The following SLC2A13 variants were observed in gnomAD, a reference collection of about 807,000 sequenced individuals.
The protein encoded by SLC2A13 is solute carrier family 2 member 13, also known as proton myo-inositol cotransporter.
In SLC2A13, 32 loss-of-function variants were observed where a neutral mutation model predicts 64.4. That is an observed-to-expected ratio of 0.50 (90% CI 0.37 to 0.67). The LOEUF is 0.67. Ranked by LOEUF, SLC2A13 falls within the 30% of genes least tolerant of loss-of-function variation. The pLI, the probability that SLC2A13 is intolerant of heterozygous loss-of-function variation, is 0.00. For missense variants in SLC2A13, 743 were observed against 829.2 expected, an observed-to-expected ratio of 0.90 and a Z score of 1.28; for synonymous variants, 338 against 327.1, an observed-to-expected ratio of 1.03 and a Z score of -0.36.
intron 4 of SLC2A13, among the ~76,000 whole-genome samples, chr12:39,890,831 CTA>C (rs1944587299): frequency 6.6e-6 from 1 of 151,928 alleles, no homozygotes; most frequent in Non-Finnish European, 1.5e-5. Flanking sequence ...TTCTATACAG[CTA>C]TGAAAAATGT....
intron 3 of SLC2A13, among the ~76,000 whole-genome samples, chr12:39,991,807 A>T (rs28370747): frequency 3.7e-3 from 57 of 15,430 alleles, no homozygotes; most frequent in Admixed American, 6.7e-3. Flanking sequence ...CTATCTTTTT[A>T]AAAAAAAATG....
chr12:39,817,747 T>A (rs1256270799), intron 7 of SLC2A13, among the ~76,000 whole-genome samples: 4 of 152,202 alleles, frequency 2.6e-5, no homozygotes, highest in Non-Finnish European at 1.5e-5. Flanking sequence ...TGCCAAACAC[T>A]AAATCTATGA....
chr12:39,971,277 C>T (rs2136129969), intron 3 of SLC2A13, among the ~76,000 whole-genome samples: 1 of 152,278 alleles, frequency 6.6e-6, no homozygotes, highest in South Asian at 2.1e-4. Context: ...CGTAATTATG[C>T]AACTGTTTAT....
chr12:39,903,266 C>A (rs1283673588), intron 4 of SLC2A13, among the ~76,000 whole-genome samples: 1 of 152,132 alleles, frequency 6.6e-6, no homozygotes, highest in Non-Finnish European at 1.5e-5. Context: ...GAAATGGGCA[C>A]TAATCTATGT....
At chr12:40,083,815 G>A (rs963878201) in intron 1 of SLC2A13, among the ~76,000 whole-genome samples, 1 of 152,168 alleles carries the variant, frequency 6.6e-6, no homozygotes, top group Admixed American at 6.6e-5. Context: ...CAGTCCAGTA[G>A]GTCTTCAAAT....
chr12:39,834,258 C>T (rs1300507939), intron 6 of SLC2A13, among the ~76,000 whole-genome samples: 1 of 151,936 alleles, frequency 6.6e-6, no homozygotes, highest in African/African-American at 2.4e-5. Flanking sequence ...TATTTTTTCT[C>T]CCTTACATCT....
chr12:40,067,202 C>CT (rs1555159935), intron 1 of SLC2A13, among the ~76,000 whole-genome samples: 2 of 151,896 alleles, frequency 1.3e-5, no homozygotes, highest in Non-Finnish European at 2.9e-5. Flanking sequence ...TATATAAATT[C>CT]TTATTTATTT....
At chr12:39,845,169 C>G (rs1943273020) in intron 6 of SLC2A13, among the ~76,000 whole-genome samples, 1 of 151,684 alleles carries the variant, frequency 6.6e-6, no homozygotes, top group African/African-American at 2.4e-5. Context: ...AATATATTTT[C>G]TTTATGTTGA....
intron 7 of SLC2A13, among the ~76,000 whole-genome samples, chr12:39,798,166 G>A (rs540419288): frequency 1.2e-4 from 19 of 152,220 alleles, no homozygotes; most frequent in African/African-American, 3.6e-4. Flanking sequence ...AAGGCCTGTC[G>A]GACAACAACC....
intron 4 of SLC2A13, 65 bp downstream of exon 4, chr12:39,951,192 C>A: frequency 7.4e-7 from 1 of 1,359,076 alleles, no homozygotes; most frequent in South Asian, 1.2e-5. Flanking sequence ...AAATACTTTT[C>A]ACTATTTCAC....
intron 3 of SLC2A13, among the ~76,000 whole-genome samples, chr12:40,006,485 CAT>C (rs1208210404): frequency 1.3e-5 from 2 of 152,120 alleles, no homozygotes; most frequent in Non-Finnish European, 2.9e-5. Context: ...ATAACTGGCA[CAT>C]AGTTTATGTT....
intron 4 of SLC2A13, among the ~76,000 whole-genome samples, chr12:39,918,496 T>A (rs967057834): frequency 2.0e-5 from 3 of 151,920 alleles, no homozygotes; most frequent in African/African-American, 7.3e-5. Context: ...ATCTGCTTGA[T>A]AGGTTGAGAA....
intron 3 of SLC2A13, among the ~76,000 whole-genome samples, chr12:39,977,731 T>G (rs1022299203): frequency 6.6e-6 from 1 of 152,244 alleles, no homozygotes; most frequent in African/African-American, 2.4e-5. Context: ...AGGTAGCTTT[T>G]GGCAGTAATC....
intron 7 of SLC2A13, among the ~76,000 whole-genome samples, chr12:39,804,984 G>A (rs567411839): frequency 6.6e-6 from 1 of 152,350 alleles, no homozygotes; most frequent in East Asian, 1.9e-4. Context: ...AAGTGCCACA[G>A]TCTGAGGGAG....
intron 4 of SLC2A13, among the ~76,000 whole-genome samples, chr12:39,912,304 AAAT>A (rs1251535653): frequency 2.0e-5 from 3 of 151,920 alleles, no homozygotes; most frequent in Admixed American, 6.6e-5. Context: ...TAATAATAGT[AAAT>A]AATAATAATA....
intron 7 of SLC2A13, among the ~76,000 whole-genome samples, chr12:39,786,448 A>G (rs1411929522): frequency 7.7e-6 from 1 of 129,278 alleles, no homozygotes; most frequent in Non-Finnish European, 1.7e-5. Flanking sequence ...AGTTTTCAGT[A>G]TGTCTTTATC....
intron 2 of SLC2A13, among the ~76,000 whole-genome samples, chr12:40,036,340 C>T (rs1343406986): frequency 6.6e-6 from 1 of 152,108 alleles, no homozygotes; most frequent in Non-Finnish European, 1.5e-5. Context: ...AATTTATATA[C>T]AAGAAAATGC....
intron 7 of SLC2A13, among the ~76,000 whole-genome samples, chr12:39,781,549 T>G (rs1940984003): frequency 6.6e-6 from 1 of 152,252 alleles, no homozygotes. Context: ...AACAAAATAT[T>G]GTCTCACAGT....
At chr12:39,963,122 T>G (rs990874203) in intron 3 of SLC2A13, among the ~76,000 whole-genome samples, 5 of 151,746 alleles carry the variant, frequency 3.3e-5, no homozygotes, top group African/African-American at 1.2e-4. Flanking sequence ...CCGTCTCTAC[T>G]AAAAATACAA....
Sources: gnomAD v4.1 joint callset for allele counts (sites outside exome capture counted in the v4.1 genomes callset) on GRCh38, gnomAD v4.1.1 for gene constraint, MANE v1.5 for transcripts, NCBI Gene and HGNC (gene_info 2026-07-23, HGNC 2026-07-21) for gene names.